Variants in SOX5 observed in about 807,000 individuals in gnomAD.
SOX5 encodes the protein transcription factor SOX-5.
In SOX5, 9 loss-of-function variants were observed where a neutral mutation model predicts 92.0. That is an observed-to-expected ratio of 0.10 (90% CI 0.06 to 0.17). The LOEUF (loss-of-function observed/expected upper bound fraction) is 0.17, where lower values mean the gene tolerates loss of function less well. SOX5 is among the 10% of genes least tolerant of loss of function. SOX5 has a pLI of 1.00. For synonymous variants in SOX5, 344 were observed against 336.3 expected (o/e 1.02, Z -0.25); for missense variants, 642 against 944.5 (o/e 0.68, Z 4.20).
At chr12:24,011,330 T>A (rs747418715) in intron 4 of SOX5, among the ~76,000 whole-genome samples, 6 of 152,220 alleles carry the variant, frequency 3.9e-5, no homozygotes, top group Non-Finnish European at 8.8e-5. Context: ...GTGGCCACCA[T>A]GGTGATTCAT....
At chr12:23,880,805 G>A (rs1294250970) in intron 2 of SOX5, among the ~76,000 whole-genome samples, 1 of 152,098 alleles carries the variant, frequency 6.6e-6, no homozygotes, top group East Asian at 1.9e-4. Flanking sequence ...GCAAAGAAAT[G>A]AATTCTTACA....
chr12:24,180,261 C>G (rs1183741688), intron 4 of SOX5, among the ~76,000 whole-genome samples: 1 of 152,152 alleles, frequency 6.6e-6, no homozygotes, highest in Non-Finnish European at 1.5e-5. Flanking sequence ...TTAGTTAAAA[C>G]CATTTTACGG....
intron 1 of SOX5, among the ~76,000 whole-genome samples, chr12:24,529,498 G>C (rs1950989209): frequency 6.6e-6 from 1 of 152,092 alleles, no homozygotes. Context: ...TCATCCCACA[G>C]GCCTGAGCTA....
chr12:23,632,007 G>A (rs1424648687), intron 8 of SOX5: 1 of 152,112 alleles, frequency 6.6e-6, no homozygotes, highest in Non-Finnish European at 1.5e-5. Flanking sequence ...ATATGGGCTT[G>A]GAAAAGTCAG....
chr12:23,563,521 C>T, intron 10 of SOX5, 118 bp from the exon 11 acceptor site: 1 of 768,602 alleles, frequency 1.3e-6, no homozygotes, highest in East Asian at 2.7e-5. Context: ...ATGATTTCTC[C>T]ATGGAATTTA....
chr12:23,966,460 A>G (rs1229501772), intron 4 of SOX5, among the ~76,000 whole-genome samples: 1 of 118,558 alleles, frequency 8.4e-6, no homozygotes, highest in Non-Finnish European at 1.8e-5. Flanking sequence ...GAAATTAAAG[A>G]AATGCAATGA....
chr12:24,460,513 G>A (rs1172344619), intron 1 of SOX5: 1 of 152,180 alleles, frequency 6.6e-6, no homozygotes, highest in Non-Finnish European at 1.5e-5. Context: ...CTTGAAGTAA[G>A]TGAGCAACTT....
At chr12:23,663,180 C>T (rs1007882463) in intron 7 of SOX5, among the ~76,000 whole-genome samples, 1 of 152,166 alleles carries the variant, frequency 6.6e-6, no homozygotes, top group African/African-American at 2.4e-5. Context: ...TTGCTACTGG[C>T]TTCTGCTTAG....
intron 4 of SOX5, among the ~76,000 whole-genome samples, chr12:24,070,509 T>C (rs573310492): frequency 6.6e-6 from 1 of 152,246 alleles, no homozygotes; most frequent in Non-Finnish European, 1.5e-5. Context: ...AACCACTGAA[T>C]GTTCCTCCAA....
At chr12:24,530,019 C>CAAAAA (rs34105691) in intron 1 of SOX5, among the ~76,000 whole-genome samples, 7 of 72,976 alleles carry the variant, frequency 9.6e-5, no homozygotes, top group East Asian at 8.6e-4. Flanking sequence ...GACTCCGTCT[C>CAAAAA]AAAAAAAAAA....
intron 4 of SOX5, among the ~76,000 whole-genome samples, chr12:24,122,969 C>T (rs555639706): frequency 2.6e-5 from 4 of 152,166 alleles, no homozygotes; most frequent in African/African-American, 7.2e-5. Flanking sequence ...CAACCAAGGT[C>T]GAGGTTAAAC....
intron 1 of SOX5, among the ~76,000 whole-genome samples, chr12:24,481,579 C>T (rs560171310): frequency 5.1e-4 from 77 of 152,190 alleles, no homozygotes; most frequent in African/African-American, 1.8e-3. Context: ...TAAAAATAAA[C>T]AATGTTTTTA....
At chr12:24,260,885 C>T (rs1257982193) in intron 3 of SOX5, among the ~76,000 whole-genome samples, 2 of 152,126 alleles carry the variant, frequency 1.3e-5, no homozygotes, top group African/African-American at 4.8e-5. Flanking sequence ...GTGAGCTTTG[C>T]AGTAAGATTA....
chr12:24,430,034 C>A (rs186844783), intron 1 of SOX5, among the ~76,000 whole-genome samples: 103 of 152,210 alleles, frequency 6.8e-4, no homozygotes, highest in Middle Eastern at 3.4e-3. Context: ...TTGTTTTACT[C>A]TAAAACTTAT....
chr12:24,182,858 T>G (rs1019337794), intron 4 of SOX5, among the ~76,000 whole-genome samples: 5 of 152,094 alleles, frequency 3.3e-5, no homozygotes, highest in Admixed American at 3.3e-4. Context: ...GAATTACAGG[T>G]GCTCATCACC....
In SOX5 at chr12:24,225,522, T is replaced by TAAAATG. The variant is rs1961723726; in HGVS notation, c.-76-12106_-76-12105insCATTTT. ...CACTTAGAGTTACATTTCATTTTCT[T>TAAAATG]AAAATAATTTCAACAATGGCTAATT... On this transcript the variant is annotated intron_variant, in intron 3 of 4. Transcript: ENST00000446891. Among the ~76,000 whole-genome samples, 3 of 151,982 alleles carry TAAAATG rather than the reference T, an allele frequency of 2.0e-5. No individual in the cohort carries two copies. The South Asian group carries it at 6.2e-4, about 32-fold the overall frequency.
intron 3 of SOX5, among the ~76,000 whole-genome samples, chr12:23,770,736 C>G (rs1403065669): frequency 6.6e-6 from 1 of 152,084 alleles, no homozygotes; most frequent in Admixed American, 6.6e-5. Flanking sequence ...GTTAAAGATT[C>G]CTTTATGAAC....
intron 2 of SOX5, among the ~76,000 whole-genome samples, chr12:24,315,903 C>T (rs182323419): frequency 2.9e-4 from 44 of 152,320 alleles, no homozygotes; most frequent in Non-Finnish European, 5.0e-4. Context: ...GTTCAACTAA[C>T]TCAGGCTTCA....
intron 6 of SOX5, among the ~76,000 whole-genome samples, chr12:23,728,534 T>C (rs1414953032): frequency 6.6e-6 from 1 of 152,126 alleles, no homozygotes; most frequent in Non-Finnish European, 1.5e-5. Flanking sequence ...CATTATTATG[T>C]TTCAATACAA....
Sources: gnomAD v4.1 joint callset for allele counts (sites outside exome capture counted in the v4.1 genomes callset) on GRCh38, gnomAD v4.1.1 for gene constraint, MANE v1.5 for transcripts, NCBI Gene and HGNC (gene_info 2026-07-23, HGNC 2026-07-21) for gene names.